Variants in DOCK4 observed in about 807,000 individuals in gnomAD.
DOCK4 encodes the protein dedicator of cytokinesis protein 4.
A neutral mutation model predicts 268.1 loss-of-function variants in DOCK4; 97 were observed. The observed-to-expected ratio is 0.36, with a 90% CI of 0.31 to 0.43. The LOEUF (loss-of-function observed/expected upper bound fraction) is 0.43. Among genes scored for constraint, DOCK4 ranks in the 20% least tolerant of loss-of-function variants. DOCK4 has a pLI of 1.00. For missense variants in DOCK4, 2,145 were observed against 2,455.7 expected (o/e 0.87, Z 2.67); for synonymous variants, 954 against 887.2 (o/e 1.08, Z -1.34).
chr7:111,848,861 T>C (rs1169539252), intron 23 of DOCK4, among the ~76,000 whole-genome samples: 1 of 152,160 alleles, frequency 6.6e-6, no homozygotes, highest in Non-Finnish European at 1.5e-5. Context: ...CACCACCTCT[T>C]AGATGGAAAG....
chr7:111,824,729 T>G (rs1314497316), intron 26 of DOCK4, among the ~76,000 whole-genome samples: 2 of 152,198 alleles, frequency 1.3e-5, no homozygotes. Context: ...GGAAACAGTA[T>G]TGCAGGTGAA....
At chr7:112,073,175 T>G (rs1807756813) in intron 1 of DOCK4, among the ~76,000 whole-genome samples, 4 of 152,272 alleles carry the variant, frequency 2.6e-5, no homozygotes, top group Admixed American at 2.6e-4. Context: ...AAAACCTGCC[T>G]AGGTCTCTCA....
rs139498716 is a variant in DOCK4 at position 111,926,356 on chromosome 7, G to A, written c.1066+9184C>T. ...TGAGGCAGGGAAATCACTTGAACCCGGGAGGCGGAGGTTGCAGTGAGCCGA... is the reference window on the plus strand; with the variant it reads ...TGAGGCAGGGAAATCACTTGAACCCAGGAGGCGGAGGTTGCAGTGAGCCGA... On this transcript the variant is annotated intron_variant, in intron 12 of 52. Coordinates refer to ENST00000428084, the MANE Select transcript of DOCK4 (RefSeq NM_001363540.2). 1.8e-3 allele frequency among the ~76,000 whole-genome samples: 261 copies of A among 145,794 alleles called. 11 individuals carry two copies. Among genetic ancestry groups the A allele is most frequent in the African/African-American group, 6.1e-3 (231 of 37,730 alleles).
At chr7:112,171,844 G>A (rs1818111742) in intron 1 of DOCK4, among the ~76,000 whole-genome samples, 1 of 152,182 alleles carries the variant, frequency 6.6e-6, no homozygotes, top group African/African-American at 2.4e-5. Context: ...TCACAGTTCT[G>A]GAGGCTGGAA....
intron 12 of DOCK4, among the ~76,000 whole-genome samples, chr7:111,930,782 G>T (rs190581518): frequency 6.6e-5 from 10 of 152,260 alleles, no homozygotes; most frequent in Non-Finnish European, 1.5e-4. Context: ...AACAGCTCTG[G>T]AATCCCTATC....
chr7:112,011,734 A>G (rs1801333386), intron 1 of DOCK4, among the ~76,000 whole-genome samples: 1 of 150,358 alleles, frequency 6.7e-6, no homozygotes, highest in African/African-American at 2.5e-5. Context: ...GGCTACAAGA[A>G]GAACTGAAGG....
chr7:111,945,780 C>T lies in DOCK4; in HGVS notation c.720G>A (p.Arg240=), dbSNP rs997914079. 9.4e-6 allele frequency: 15 copies of T among 1,591,678 alleles called. No homozygotes were observed. The highest frequency in any genetic ancestry group is 1.3e-5 in the Non-Finnish European group (15 of 1,168,660). ...CTTTGGGAAGCCCGTTTCTATTCAG[C>T]CTCAAGAAAAATCTCTCACTACAAG... ...NRPISERFFL[R]LNRNGLPKAP... The change falls in exon 9 of 53, where the codon AGG becomes AGA. Residue 240 remains arginine, a synonymous_variant. Transcript: ENST00000428084.
chr7:111,757,928 G>A (rs1448416945), intron 41 of DOCK4, among the ~76,000 whole-genome samples: 1 of 152,116 alleles, frequency 6.6e-6, no homozygotes, highest in East Asian at 1.9e-4. Flanking sequence ...AAAGAAAGGG[G>A]CAGACTCTAC....
chr7:112,192,618 C>T (rs547225411), intron 1 of DOCK4, among the ~76,000 whole-genome samples: 1 of 152,248 alleles, frequency 6.6e-6, no homozygotes, highest in East Asian at 1.9e-4. Context: ...TATGTACTCC[C>T]TTACTGTGTA....
chr7:111,931,729 A>G (rs1351077832), intron 12 of DOCK4, among the ~76,000 whole-genome samples: 1 of 152,242 alleles, frequency 6.6e-6, no homozygotes, highest in Admixed American at 6.5e-5. Flanking sequence ...ATGAAAACAG[A>G]CAACTTAAGA....
intron 41 of DOCK4, among the ~76,000 whole-genome samples, chr7:111,758,379 G>A (rs1797175912): frequency 6.6e-6 from 1 of 152,150 alleles, no homozygotes; most frequent in Non-Finnish European, 1.5e-5. Flanking sequence ...CTGATTTTAG[G>A]ACCTCCTCCC....
chr7:111,800,507 G>A (rs1218423701), intron 30 of DOCK4, among the ~76,000 whole-genome samples: 1 of 152,066 alleles, frequency 6.6e-6, no homozygotes, highest in African/African-American at 2.4e-5. Flanking sequence ...AACGTTTCTG[G>A]TAATGTACAG....
At chr7:112,052,880 A>G (rs997442181) in intron 1 of DOCK4, among the ~76,000 whole-genome samples, 4 of 152,194 alleles carry the variant, frequency 2.6e-5, no homozygotes, top group Admixed American at 6.5e-5. Flanking sequence ...GAAATAATAT[A>G]TATCAAATAT....
At chr7:111,764,908 T>C (rs1303966744) in intron 39 of DOCK4, among the ~76,000 whole-genome samples, 1 of 151,616 alleles carries the variant, frequency 6.6e-6, no homozygotes, top group East Asian at 1.9e-4. Flanking sequence ...GCTCACAAAA[T>C]ATACCAAATT....
chr7:112,197,823 G>A (rs923819933), intron 1 of DOCK4, among the ~76,000 whole-genome samples: 1 of 151,948 alleles, frequency 6.6e-6, no homozygotes, highest in Non-Finnish European at 1.5e-5. Flanking sequence ...ACACTCTTCA[G>A]CACAGAACTT....
intron 23 of DOCK4, among the ~76,000 whole-genome samples, chr7:111,859,890 G>A (rs1001843644): frequency 5.9e-5 from 9 of 152,136 alleles, no homozygotes; most frequent in African/African-American, 1.9e-4. Flanking sequence ...TTAAATGAAA[G>A]GTCAGAAGTG....
chr7:111,739,358 C>G (rs775966106), intron 48 of DOCK4, 38 bp downstream of exon 48: 1 of 1,596,356 alleles, frequency 6.3e-7, no homozygotes, highest in South Asian at 1.1e-5. Flanking sequence ...AGAAGGTTCT[C>G]TGGGCACCCT....
At chr7:111,862,076 G>A (rs1425223207) in intron 23 of DOCK4, among the ~76,000 whole-genome samples, 1 of 152,034 alleles carries the variant, frequency 6.6e-6, no homozygotes, top group Non-Finnish European at 1.5e-5. Flanking sequence ...CAAGGTGGAC[G>A]GATTGCAAGG....
intron 1 of DOCK4, among the ~76,000 whole-genome samples, chr7:112,188,339 A>G (rs1302239417): frequency 6.6e-6 from 1 of 152,238 alleles, no homozygotes; most frequent in Admixed American, 6.5e-5. Flanking sequence ...CTATAATTTC[A>G]AGGTAACTTG....
Sources: allele counts gnomAD v4.1 joint callset (sites outside exome capture counted in the v4.1 genomes callset), GRCh38; gene constraint gnomAD v4.1.1; transcripts MANE v1.5; gene names NCBI Gene and HGNC (gene_info 2026-07-23, HGNC 2026-07-21).